XPO6: variants seen among roughly 807,000 people sequenced by gnomAD.
The protein encoded by XPO6 is exportin-6.
Under a neutral mutation model 130.0 loss-of-function variants are expected in XPO6, and 3 were observed. The observed-to-expected ratio is 0.02, with a 90% CI of 0.01 to 0.06. The LOEUF is 0.06. Ranked by LOEUF, XPO6 falls within the 10% of genes least tolerant of loss-of-function variation. XPO6 has a pLI of 1.00. For synonymous variants in XPO6, 524 were observed against 548.9 expected, an observed-to-expected ratio of 0.95 and a Z score of 0.63; for missense variants, 970 against 1,393.0, an observed-to-expected ratio of 0.70 and a Z score of 4.83.
rs1028292698 is a variant in XPO6, at chr16:28,125,882, G to A, written c.1607-34C>T. 5 of 1,602,126 alleles carry A rather than the reference G, an allele frequency of 3.1e-6. No homozygotes were observed. The African/African-American group carries it at 6.7e-5, about 21-fold the overall frequency. On this transcript the variant is annotated intron_variant, in intron 12 of 23. Transcript: ENST00000304658. ...CAACACGCCAGACAGTTTTTCACAG[G>A]AAGACCACGCTTTAGATACTACAGA... is the stretch of plus-strand genomic sequence containing the variant.
chr16:28,102,881 C>T (rs1487972887), intron 21 of XPO6, among the ~76,000 whole-genome samples: 1 of 151,996 alleles, frequency 6.6e-6, no homozygotes, highest in African/African-American at 2.4e-5. Flanking sequence ...CTGCAGGACC[C>T]CCCTACAAAA....
chr16:28,146,333 A>T, intron 8 of XPO6, 130 bp from the exon 9 acceptor site: 1 of 738,934 alleles, frequency 1.4e-6, no homozygotes. Flanking sequence ...TTTCCTGGTA[A>T]CCAAAACTGG....
intron 6 of XPO6, chr16:28,165,208 C>T (rs968150853): frequency 5.9e-5 from 9 of 152,054 alleles, no homozygotes; most frequent in African/African-American, 2.2e-4. Flanking sequence ...CAGAAGGAGA[C>T]CTTGTCTCGA....
chr16:28,112,057 G>T (rs1418291831), intron 16 of XPO6, 51 bp from the exon 17 acceptor site: 10 of 1,554,034 alleles, frequency 6.4e-6, no homozygotes, highest in Non-Finnish European at 7.8e-6. Flanking sequence ...AAAGACCGTG[G>T]TGCGGCATGC....
At chr16:28,164,919 C>CA (rs1284705196) in intron 6 of XPO6, among the ~76,000 whole-genome samples, 5 of 152,148 alleles carry the variant, frequency 3.3e-5, no homozygotes, top group African/African-American at 4.8e-5. Flanking sequence ...AAATCTAACT[C>CA]AAAAGAACTA....
intron 1 of XPO6, among the ~76,000 whole-genome samples, chr16:28,186,235 T>A (rs1349726775): frequency 6.6e-6 from 1 of 152,084 alleles, no homozygotes; most frequent in African/African-American, 2.4e-5. Flanking sequence ...CACCACTATT[T>A]CTACGGAGCC....
chr16:28,152,792 GAGACA>G lies in XPO6; in HGVS notation c.1098-12_1098-8del. On this transcript the variant is annotated splice_polypyrimidine_tract_variant and splice_region_variant and intron_variant, in intron 7 of 23. Coordinates refer to ENST00000304658, the MANE Select transcript of XPO6 (RefSeq NM_015171.4). ...AGTAAACTTCTCGATATAGCTAAATGAGACAAGACAAAAGGTGACAATAAGAAACC... is the reference window on the plus strand; with the variant it reads ...AGTAAACTTCTCGATATAGCTAAATGAGACAAAAGGTGACAATAAGAAACC... The G allele has an allele frequency of 6.2e-7, 1 of 1,609,194 alleles. No homozygotes were observed. The highest frequency in any genetic ancestry group is 1.3e-5 in the African/African-American group (1 of 74,788).
chr16:28,111,106 AG>A (rs767397235), intron 17 of XPO6: 2 of 152,240 alleles, frequency 1.3e-5, no homozygotes, highest in Non-Finnish European at 2.9e-5. Flanking sequence ...TAATCTTCCT[AG>A]TTATAAAAGT....
chr16:28,156,787 A>G (rs1468605670), intron 6 of XPO6, among the ~76,000 whole-genome samples: 1 of 152,082 alleles, frequency 6.6e-6, no homozygotes, highest in African/African-American at 2.4e-5. Flanking sequence ...TTTTGACTCA[A>G]ATTTAGTTTT....
chr16:28,109,666 A>G (rs942576891), intron 17 of XPO6, among the ~76,000 whole-genome samples: 1 of 152,248 alleles, frequency 6.6e-6, no homozygotes, highest in Non-Finnish European at 1.5e-5. Context: ...ACGAAAGACA[A>G]AAACTGGGCA....
chr16:28,100,460 G>T (rs1308109660), intron 23 of XPO6, among the ~76,000 whole-genome samples: 1 of 152,224 alleles, frequency 6.6e-6, no homozygotes, highest in Non-Finnish European at 1.5e-5. Flanking sequence ...CCAAGAAAAG[G>T]AAGACCCCAA....
At chr16:28,158,078 C>T (rs2043211669) in intron 6 of XPO6, among the ~76,000 whole-genome samples, 1 of 152,078 alleles carries the variant, frequency 6.6e-6, no homozygotes, top group Non-Finnish European at 1.5e-5. Context: ...CTTGGAGAGA[C>T]CTTAAAAAGA....
chr16:28,136,160 C>G (rs572735489), intron 9 of XPO6, among the ~76,000 whole-genome samples: 10 of 152,300 alleles, frequency 6.6e-5, no homozygotes, highest in South Asian at 2.1e-4. Context: ...CTAGGGCCCC[C>G]TAATTCAAAA....
chr16:28,156,193 A>T lies in XPO6; in HGVS notation c.978T>A (p.Pro326=), dbSNP rs753330585. ...INELMSKNCV[P]MEFEEYLLRM... ...GCAGTAAATACTCCTCAAATTCCAT[A>T]GGCACACAGTTCTTGGACATGAGTT... The change falls in exon 7 of 24, where the codon CCT becomes CCA. Residue 326 remains proline (P), a synonymous_variant. Transcript: ENST00000304658. 3 of 1,614,040 alleles carry T rather than the reference A, an allele frequency of 1.9e-6. No homozygotes were observed. In the African/African-American group the frequency reaches 4.0e-5, roughly 22 times the overall value.
chr16:28,129,646 G>A (rs2042627615), intron 12 of XPO6, among the ~76,000 whole-genome samples: 2 of 152,292 alleles, frequency 1.3e-5, no homozygotes, highest in African/African-American at 2.4e-5. Context: ...TTTTTGAGGA[G>A]TTGAGGGAGG....
intron 6 of XPO6, among the ~76,000 whole-genome samples, chr16:28,162,038 T>C (rs2141837111): frequency 6.6e-6 from 1 of 152,278 alleles, no homozygotes; most frequent in South Asian, 2.1e-4. Flanking sequence ...ACTACAAGCA[T>C]AGAAAGACAA....
At chr16:28,139,774 T>G (rs1196277895) in intron 9 of XPO6, among the ~76,000 whole-genome samples, 1 of 151,992 alleles carries the variant, frequency 6.6e-6, no homozygotes, top group Non-Finnish European at 1.5e-5. Context: ...GGTCCAACAC[T>G]CAATAGACAC....
chr16:28,190,015 C>G (rs954088727), intron 1 of XPO6, among the ~76,000 whole-genome samples: 1 of 152,094 alleles, frequency 6.6e-6, no homozygotes, highest in Non-Finnish European at 1.5e-5. Flanking sequence ...GTGTCTGGGC[C>G]AGGAAGTTCA....
At chr16:28,201,083 AG>A in intron 1 of XPO6, among the ~76,000 whole-genome samples, 1 of 152,058 alleles carries the variant, frequency 6.6e-6, no homozygotes, top group Non-Finnish European at 1.5e-5. Context: ...CGGTTCTCCC[AG>A]TAGCAATTAG....
Sources: gnomAD v4.1 joint callset for allele counts (sites outside exome capture counted in the v4.1 genomes callset) on GRCh38, gnomAD v4.1.1 for gene constraint, MANE v1.5 for transcripts, NCBI Gene and HGNC (gene_info 2026-07-23, HGNC 2026-07-21) for gene names.